The following BTG4 variants were observed in gnomAD, a reference collection of about 807,000 sequenced individuals.
The protein encoded by BTG4 is BTG anti-proliferation factor 4.
In BTG4, 10 loss-of-function variants were observed where a neutral mutation model predicts 19.3. The ratio of observed to expected loss-of-function variants is 0.52; its 90% CI spans 0.32 to 0.88. The LOEUF is 0.88. BTG4 is among the 40% of genes least tolerant of loss of function. The probability of loss-of-function intolerance (pLI) is 0.04; values close to 1 mark genes in which losing one functional copy is unlikely to be tolerated. For missense variants in BTG4, 238 were observed against 281.9 expected (o/e 0.84, Z 1.11); for synonymous variants, 91 against 95.7 (o/e 0.95, Z 0.29).
the BTG4 span, chr11:111,454,832 TG>T: frequency 4.7e-6 from 1 of 212,430 alleles, no homozygotes; most frequent in South Asian, 2.2e-5. Context: ...GGTTGGGGGT[TG>T]GGGGTTGGGG....
chr11:111,511,149 AGTTATT>A (rs1866877611), intron 1 of BTG4, among the ~76,000 whole-genome samples: 1 of 152,250 alleles, frequency 6.6e-6, no homozygotes, highest in Non-Finnish European at 1.5e-5. Context: ...TACAAAATAC[AGTTATT>A]GTAGATGGCT....
At chr11:111,432,232 A>G in the BTG4 span, among the ~76,000 whole-genome samples, 1 of 152,194 alleles carries the variant, frequency 6.6e-6, no homozygotes, top group Non-Finnish European at 1.5e-5. Flanking sequence ...TTCGCTGTGG[A>G]GCCACGTGAA....
the BTG4 span, chr11:111,417,013 A>T: frequency 2.0e-5 from 3 of 152,192 alleles, no homozygotes; most frequent in Non-Finnish European, 4.4e-5. Context: ...GTCTGTGTAC[A>T]TCCAGTTTGC....
At chr11:111,386,872 C>T in the BTG4 span, among the ~76,000 whole-genome samples, 3 of 152,132 alleles carry the variant, frequency 2.0e-5, no homozygotes, top group Non-Finnish European at 4.4e-5. Context: ...ACATGTATAT[C>T]ATTTCATTCT....
At chr11:111,510,146 G>A (rs889609344) in intron 1 of BTG4, among the ~76,000 whole-genome samples, 1 of 151,880 alleles carries the variant, frequency 6.6e-6, no homozygotes, top group African/African-American at 2.4e-5. Flanking sequence ...TCTTGACCTC[G>A]TGATCCGCCC....
intron 5 of BTG4, among the ~76,000 whole-genome samples, chr11:111,479,918 G>T (rs1864628138): frequency 6.6e-6 from 1 of 151,986 alleles, no homozygotes; most frequent in Non-Finnish European, 1.5e-5. Flanking sequence ...TAACCCACAA[G>T]AAGGTAAGGA....
chr11:111,443,429 T>C, the BTG4 span, among the ~76,000 whole-genome samples: 47 of 152,346 alleles, frequency 3.1e-4, no homozygotes, highest in African/African-American at 1.1e-3. Context: ...ACCATATTAA[T>C]GTAAGCAGTT....
At chr11:111,406,818 G>A in the BTG4 span, among the ~76,000 whole-genome samples, 1,911 of 152,272 alleles carry the variant, frequency 0.013, 32 homozygotes, top group African/African-American at 0.042. Flanking sequence ...GGATTACAAG[G>A]ATGAATCAGA....
the BTG4 span, among the ~76,000 whole-genome samples, chr11:111,440,630 GT>G: frequency 6.6e-6 from 1 of 152,202 alleles, no homozygotes; most frequent in African/African-American, 2.4e-5. Context: ...GTTTTTCTCA[GT>G]TGCTGCCAGA....
At chr11:111,456,672 C>T in the BTG4 span, 4,856 of 393,976 alleles carry the variant, frequency 0.012, 194 homozygotes, top group African/African-American at 0.09. The surrounding 1 kb of genome is among the most constrained non-coding windows in gnomAD (Gnocchi z 4.2). Context: ...GGGTGCTGCC[C>T]GAGGCTGGAC....
At chr11:111,477,253 T>C (rs1455743855) in intron 5 of BTG4, among the ~76,000 whole-genome samples, 2 of 152,150 alleles carry the variant, frequency 1.3e-5, no homozygotes, top group Non-Finnish European at 2.9e-5. Context: ...TCCTTACTGC[T>C]GCATTATGCG....
At chr11:111,491,734 CAA>C (rs5794751), downstream of BTG4, among the ~76,000 whole-genome samples, 8 of 99,946 alleles carry the variant, frequency 8.0e-5, no homozygotes, top group Admixed American at 1.0e-4. Flanking sequence ...GACCTGATCT[CAA>C]AAAAAAAAAA....
the BTG4 span, among the ~76,000 whole-genome samples, chr11:111,391,347 G>A: frequency 3.3e-5 from 5 of 152,260 alleles, no homozygotes; most frequent in South Asian, 2.1e-4. Flanking sequence ...ATTTTTTGTA[G>A]GTTTTGAAAT....
chr11:111,507,932 A>G (rs1866575274), intron 1 of BTG4: 1 of 152,194 alleles, frequency 6.6e-6, no homozygotes, highest in Non-Finnish European at 1.5e-5. Context: ...TCAAGAGGAT[A>G]AAAGAGCTTC....
upstream of BTG4, chr11:111,512,789 G>T: frequency 4.1e-6 from 1 of 245,742 alleles, no homozygotes. Flanking sequence ...TGCGAGGCCG[G>T]CGGGGGTCCC....
chr11:111,391,034 A>C, the BTG4 span, among the ~76,000 whole-genome samples: 1 of 152,262 alleles, frequency 6.6e-6, no homozygotes, highest in Non-Finnish European at 1.5e-5. Flanking sequence ...TTTCGTAACC[A>C]GCAAATTTGG....
chr11:111,385,273 G>A, the BTG4 span: 1 of 152,054 alleles, frequency 6.6e-6, no homozygotes, highest in Non-Finnish European at 1.5e-5. Context: ...CAGGAAGGAT[G>A]TATTTAAAAA....
At chr11:111,498,220 A>T in intron 2 of BTG4, 85 bp from the exon 3 acceptor site, 2 of 1,462,790 alleles carry the variant, frequency 1.4e-6, no homozygotes, top group Non-Finnish European at 9.4e-7. Context: ...GTTCCAATAC[A>T]CATAGCTCCC....
At chr11:111,447,104 T>G in the BTG4 span, among the ~76,000 whole-genome samples, 1 of 152,188 alleles carries the variant, frequency 6.6e-6, no homozygotes, top group Admixed American at 6.5e-5. Context: ...AGCAGGACCC[T>G]ACAACGCCTC....
Sources: allele counts gnomAD v4.1 joint callset (sites outside exome capture counted in the v4.1 genomes callset), GRCh38; gene constraint gnomAD v4.1.1; non-coding constraint Gnocchi (gnomAD v3.1); transcripts MANE v1.5; gene names NCBI Gene and HGNC (gene_info 2026-07-23, HGNC 2026-07-21).